CD300C: variants seen among roughly 807,000 people sequenced by gnomAD.
The protein encoded by CD300C is CD300c molecule.
A neutral mutation model predicts 18.4 loss-of-function variants in CD300C; 11 were observed. That is an observed-to-expected ratio of 0.60 (90% CI 0.38 to 0.99). The LOEUF is 0.99. Among genes scored for constraint, CD300C ranks in the 50% least tolerant of loss-of-function variants. CD300C has a pLI of 0.01. For synonymous variants in CD300C, 116 were observed against 116.3 expected (o/e 1.00, Z 0.02); for missense variants, 277 against 287.4 (o/e 0.96, Z 0.26).
downstream of CD300C, among the ~76,000 whole-genome samples, chr17:74,536,093 A>T (rs962215120): frequency 7.2e-5 from 11 of 152,352 alleles, no homozygotes; most frequent in African/African-American, 2.6e-4. Context: ...TATTTAAAAA[A>T]TTTTAGAAGA....
rs1908538114 is a variant in CD300C, at chr17:74,541,330, A to ACT, written c.*257_*258dup. Reference sequence around the variant, plus strand: ...AAGGGTGCAGGGAGGGCATCCGGGCACTCAGAGGTATTGCTGACGGCCCGA... The same window carrying ACT: ...AAGGGTGCAGGGAGGGCATCCGGGCACTCTCAGAGGTATTGCTGACGGCCCGA... On this transcript the variant is annotated 3_prime_UTR_variant, in exon 4 of 4. Coordinates refer to ENST00000330793, the MANE Select transcript of CD300C (RefSeq NM_006678.5). The ACT allele has an allele frequency of 2.4e-6, 1 of 416,506 alleles. No homozygotes were observed. Among genetic ancestry groups the ACT allele is most frequent in the Admixed American group, 3.5e-5 (1 of 28,358 alleles). 25.8% of individuals were successfully genotyped at this position (416,506 alleles called of 1,614,324 possible).
downstream of CD300C, among the ~76,000 whole-genome samples, chr17:74,538,443 GTGC>G (rs1447609118): frequency 6.6e-6 from 1 of 152,178 alleles, no homozygotes; most frequent in Non-Finnish European, 1.5e-5. Flanking sequence ...GGAAGACCTG[GTGC>G]CCTCCACCTT....
intron 3 of CD300C, 128 bp downstream of exon 3, chr17:74,542,733 A>G: frequency 8.8e-7 from 1 of 1,131,234 alleles, no homozygotes; most frequent in Non-Finnish European, 1.2e-6. Flanking sequence ...ACTTAATAGA[A>G]CCTTCACGTT....
chr17:74,534,778 A>T, the CD300C span, among the ~76,000 whole-genome samples: 1 of 152,200 alleles, frequency 6.6e-6, no homozygotes, highest in African/African-American at 2.4e-5. Flanking sequence ...TAAAGAAGAA[A>T]ACCCACATAA....
rs1020789978 is a variant in CD300C at position 74,544,444 on chromosome 17, C to T, written c.400+165G>A. Among the ~76,000 whole-genome samples the T allele has an allele frequency of 3.9e-5, 6 of 152,298 alleles. No homozygotes were observed. The East Asian group carries it at 5.8e-4, about 15-fold the overall frequency. Reference sequence around the variant, plus strand: ...CCACACCACAACTCCTATGCAGGCACGCATACACAAAGACGCACTCACACT... The same window carrying T: ...CCACACCACAACTCCTATGCAGGCATGCATACACAAAGACGCACTCACACT... On this transcript the variant is annotated intron_variant, in intron 2 of 3. Transcript: ENST00000330793.
At chr17:74,543,037 C>T (rs1908614774) in intron 2 of CD300C, 50 bp from the exon 3 acceptor site, 1 of 1,608,286 alleles carries the variant, frequency 6.2e-7, no homozygotes, top group South Asian at 1.1e-5. Context: ...GGGTCTCCCA[C>T]TTACTCTCAC....
chr17:74,542,540 C>G (rs1291249251), intron 3 of CD300C, among the ~76,000 whole-genome samples: 1 of 152,268 alleles, frequency 6.6e-6, no homozygotes, highest in Non-Finnish European at 1.5e-5. Context: ...CACACGCTCT[C>G]CCCAAACCCA....
At chr17:74,545,364 G>A (rs922201569) in intron 1 of CD300C, among the ~76,000 whole-genome samples, 25 of 152,006 alleles carry the variant, frequency 1.6e-4, no homozygotes, top group African/African-American at 5.6e-4. Context: ...GAGTGTGACT[G>A]TGTGTGCATG....
At chr17:74,543,029 G>A (rs1226766752) in intron 2 of CD300C, 42 bp from the exon 3 acceptor site, 1 of 1,610,502 alleles carries the variant, frequency 6.2e-7, no homozygotes, top group African/African-American at 1.3e-5. Flanking sequence ...CATCACATGG[G>A]TCTCCCACTT....
At position 74,544,666 on chromosome 17, in the gene CD300C, G is replaced by A. The variant is rs1318633137; in HGVS notation, c.343C>T (p.Pro115Ser). ...GGATCATGAAAGTCTCGGAGCCACG[G>A]TGTATCCACCCCACACCAGTAGGTG... ...AGTYWCGVDT[P>S]WLRDFHDPIV... is the part of the protein sequence containing the mutation. Residue 115 changes from proline to serine, a missense_variant, in exon 2 of 4, where the codon CCG (proline) becomes TCG (serine). Transcript: ENST00000330793. 2 of 1,614,182 alleles carry A rather than the reference G, an allele frequency of 1.2e-6. No individual in the cohort carries two copies. The highest frequency in any genetic ancestry group is 2.2e-5 in the East Asian group (1 of 44,866).
Position 74,544,611 on chromosome 17 carries a change from G to C in CD300C, c.398C>G (p.Pro133Arg), listed in dbSNP as rs763827378. ...PIVEVEVSVF[P>R]AGTTTASSPQ... ...TGCTGAGAAAAGGAGGGGCTCACCC[G>C]GGAACACGGACACCTCAACCTCGAC... The change falls in exon 2 of 4, where the codon CCG becomes CGG. Residue 133 changes from proline to arginine, a missense_variant and splice_region_variant. Transcript: ENST00000330793. 4.4e-6 allele frequency: 7 copies of C among 1,607,934 alleles called. No individual in the cohort carries two copies. The highest frequency in any genetic ancestry group is 4.3e-6 in the Non-Finnish European group (5 of 1,175,158).
chr17:74,534,794 T>G, the CD300C span, among the ~76,000 whole-genome samples: 5 of 152,192 alleles, frequency 3.3e-5, no homozygotes, highest in African/African-American at 1.2e-4. Context: ...CATAATCATG[T>G]AAACGCACAA....
downstream of CD300C, among the ~76,000 whole-genome samples, chr17:74,537,077 A>AGGC (rs1908401631): frequency 6.6e-6 from 1 of 151,464 alleles, no homozygotes; most frequent in African/African-American, 2.4e-5. Flanking sequence ...GAGGAGGAGG[A>AGGC]GAAGTAGGCA....
At position 74,541,130 on chromosome 17, in the gene CD300C, A is replaced by C; in HGVS notation, c.*459T>G. 1 of 164,504 alleles carries C rather than the reference A, an allele frequency of 6.1e-6. No homozygotes were observed. Among genetic ancestry groups the C allele is most frequent in the Admixed American group, 5.7e-5 (1 of 17,568 alleles). The allele number at this position is 164,504 out of a possible 1,614,324, so 10.2% of individuals were successfully genotyped here. A position where few individuals can be genotyped will look rare whatever the true frequency, so the allele number is the denominator to read the frequency against. ...AAACCTACACATTGTCATTTATTAA[A>C]GTTTGAAAGCATCATTGAATCGACA... On this transcript the variant is annotated 3_prime_UTR_variant, in exon 4 of 4. Transcript: ENST00000330793.
chr17:74,536,635 T>C (rs144088488), downstream of CD300C, among the ~76,000 whole-genome samples: 236 of 151,358 alleles, frequency 1.6e-3, 1 homozygote, highest in Non-Finnish European at 1.5e-3. Flanking sequence ...AAAAAACACA[T>C]GAGCATGAGT....
chr17:74,541,907 GA>G (rs1908565188), intron 3 of CD300C, among the ~76,000 whole-genome samples, 171 bp from the exon 4 acceptor site: 1 of 152,136 alleles, frequency 6.6e-6, no homozygotes, highest in African/African-American at 2.4e-5. Context: ...CTCAGCCTCG[GA>G]TTTACCCTTG....
At chr17:74,538,822 G>A (rs1357827008), downstream of CD300C, among the ~76,000 whole-genome samples, 1 of 152,216 alleles carries the variant, frequency 6.6e-6, no homozygotes, top group African/African-American at 2.4e-5. Context: ...CACCTGCCCT[G>A]TGGCTGCAAA....
Position 74,544,734 on chromosome 17 carries a change from C to G in CD300C, c.275G>C (p.Ser92Thr). Residue 92 changes from serine (S) to threonine (T), a missense_variant, in exon 2 of 4, where the codon AGC becomes ACC. Transcript: ENST00000330793. ...VSIRDSPANL[S>T]FTVTLENLTE... is the part of the protein sequence containing the mutation. ...GAGATTCTCCAGGGTCACTGTGAAG[C>G]TGAGGTTTGCAGGACTGTCCCTGAT... is the stretch of plus-strand genomic sequence containing the variant. 1 of 1,614,264 alleles carries G rather than the reference C, an allele frequency of 6.2e-7. No homozygotes were observed. The highest frequency in any genetic ancestry group is 8.5e-7 in the Non-Finnish European group (1 of 1,180,046).
At chr17:74,540,307 A>G (rs532683736), downstream of CD300C, among the ~76,000 whole-genome samples, 9 of 152,320 alleles carry the variant, frequency 5.9e-5, no homozygotes, top group Middle Eastern at 3.4e-3. Context: ...CCTGCAAAGC[A>G]GTCACCCCAC....
Sources: gnomAD v4.1 joint callset for allele counts (sites outside exome capture counted in the v4.1 genomes callset) on GRCh38, gnomAD v4.1.1 for gene constraint, MANE v1.5 for transcripts, NCBI Gene and HGNC (gene_info 2026-07-23, HGNC 2026-07-21) for gene names.